KMT2C: variants seen among roughly 807,000 people sequenced by gnomAD.
KMT2C encodes the protein histone-lysine N-methyltransferase 2C.
Under a neutral mutation model 507.9 loss-of-function variants are expected in KMT2C, and 88 were observed. The ratio of observed to expected loss-of-function variants is 0.17; its 90% CI spans 0.15 to 0.21. The LOEUF (loss-of-function observed/expected upper bound fraction) is 0.21. Among genes scored for constraint, KMT2C ranks in the 10% least tolerant of loss-of-function variants. The pLI, the probability that KMT2C is intolerant of heterozygous loss-of-function variation, is 1.00. For missense variants in KMT2C, 4,954 were observed against 5,957.8 expected (o/e 0.83, Z 5.55); for synonymous variants, 2,049 against 2,080.8 (o/e 0.98, Z 0.42).
At chr7:152,294,187 G>C (rs1357754452) in intron 6 of KMT2C, among the ~76,000 whole-genome samples, 1 of 152,088 alleles carries the variant, frequency 6.6e-6, no homozygotes, top group Admixed American at 6.6e-5. Flanking sequence ...TTTTTAAGTA[G>C]ATATATGCCT....
intron 1 of KMT2C, among the ~76,000 whole-genome samples, chr7:152,364,932 CAG>C (rs151049937): frequency 5.0e-4 from 69 of 138,074 alleles, no homozygotes; most frequent in African/African-American, 1.6e-3. Context: ...CTGAAACAGA[CAG>C]ACACACACAC....
Position 152,384,024 on chromosome 7 carries a change from C to T in KMT2C, c.162-25349G>A, listed in dbSNP as rs200809639. Among the ~76,000 whole-genome samples the T allele has an allele frequency of 1.2e-4, 18 of 150,334 alleles. No individual in the cohort carries two copies. In the East Asian group the frequency reaches 2.9e-3, roughly 24 times the overall value. On this transcript the variant is annotated intron_variant, in intron 1 of 58. Coordinates refer to ENST00000262189, the MANE Select transcript of KMT2C (RefSeq NM_170606.3). ...AGAACTAAGACTCTAGAAGGAGATC[C>T]GAGAGGCAGACATGTGTGTCTGTGT... is the stretch of plus-strand genomic sequence containing the variant.
chr7:152,278,472 TCACCAGAAGCAGATGCCAG>T (rs1385624326), intron 6 of KMT2C, among the ~76,000 whole-genome samples: 1 of 152,238 alleles, frequency 6.6e-6, no homozygotes, highest in African/African-American at 2.4e-5. Flanking sequence ...CTTGAAGCCC[TCACCAGAAGCAGATGCCAG>T]CACCACACTT....
chr7:152,225,286 G>A (rs951673136), intron 18 of KMT2C, among the ~76,000 whole-genome samples: 5 of 152,074 alleles, frequency 3.3e-5, no homozygotes, highest in African/African-American at 9.7e-5. Flanking sequence ...CCAATCAAGT[G>A]CCCACATTAT....
chr7:152,157,049 T>C (rs1342406422), intron 44 of KMT2C, among the ~76,000 whole-genome samples: 4 of 151,960 alleles, frequency 2.6e-5, no homozygotes, highest in Non-Finnish European at 5.9e-5. Flanking sequence ...ATGAGGATGA[T>C]AAAATAAGGT....
chr7:152,429,466 T>G (rs2097848302), intron 1 of KMT2C, among the ~76,000 whole-genome samples: 1 of 151,990 alleles, frequency 6.6e-6, no homozygotes, highest in Non-Finnish European at 1.5e-5. Context: ...TCCTTCAAAT[T>G]CTGCAAATAA....
chr7:152,377,802 A>G (rs2097341128), intron 1 of KMT2C, among the ~76,000 whole-genome samples: 1 of 152,090 alleles, frequency 6.6e-6, no homozygotes, highest in Admixed American at 6.6e-5. Context: ...AACCTTCTGG[A>G]AAGGATTCAC....
chr7:152,196,698 G>T (rs2093973229), intron 27 of KMT2C, among the ~76,000 whole-genome samples: 1 of 152,134 alleles, frequency 6.6e-6, no homozygotes, highest in South Asian at 2.1e-4. Flanking sequence ...CAAGGAAAAA[G>T]GATTAAAAAT....
At chr7:152,310,423 G>A (rs939861595) in intron 5 of KMT2C, among the ~76,000 whole-genome samples, 1 of 152,054 alleles carries the variant, frequency 6.6e-6, no homozygotes, top group Non-Finnish European at 1.5e-5. Flanking sequence ...AAATTAGCTG[G>A]GCGTGGTGGT....
At chr7:152,333,920 TC>T (rs2096907796) in intron 2 of KMT2C, among the ~76,000 whole-genome samples, 1 of 152,134 alleles carries the variant, frequency 6.6e-6, no homozygotes, top group Non-Finnish European at 1.5e-5. Flanking sequence ...GTCCTGTCTA[TC>T]CCGAGACAAA....
At chr7:152,231,708 G>A (rs1684651668) in intron 16 of KMT2C, among the ~76,000 whole-genome samples, 1 of 151,938 alleles carries the variant, frequency 6.6e-6, no homozygotes, top group Non-Finnish European at 1.5e-5. Flanking sequence ...TTGAACCCAG[G>A]AGGCAGAGGT....
Position 152,392,673 on chromosome 7 carries a change from C to G in KMT2C, c.162-33998G>C, listed in dbSNP as rs540675717. On this transcript the variant is annotated intron_variant, in intron 1 of 58. Transcript: ENST00000262189. ...TGTGTGAATGCCCTCCCCAGCACAA[C>G]AAGAACGGAGCTGTACAATGAAGTG... is the stretch of plus-strand genomic sequence containing the variant. Among the ~76,000 whole-genome samples, 5 of 152,242 alleles carry G rather than the reference C, an allele frequency of 3.3e-5. No individual in the cohort carries two copies. The South Asian group carries it at 6.2e-4, about 19-fold the overall frequency.
chr7:152,435,468 G>T (rs2097909281), intron 1 of KMT2C, among the ~76,000 whole-genome samples, 158 bp downstream of exon 1: 1 of 145,742 alleles, frequency 6.9e-6, no homozygotes, highest in South Asian at 2.1e-4. Context: ...CGAGGGGCGC[G>T]GGGCCGGGGC....
chr7:152,194,338 G>T, intron 29 of KMT2C, 77 bp from the exon 30 acceptor site: 1 of 1,369,350 alleles, frequency 7.3e-7, no homozygotes, highest in South Asian at 1.3e-5. Context: ...GTATTTAACT[G>T]ACAGAAATAA....
At chr7:152,334,178 G>A (rs540492508) in intron 2 of KMT2C, among the ~76,000 whole-genome samples, 13 of 152,306 alleles carry the variant, frequency 8.5e-5, no homozygotes, top group South Asian at 4.1e-4. Context: ...CAAAGGGGCC[G>A]GGTGCGGTGG....
intron 7 of KMT2C, among the ~76,000 whole-genome samples, chr7:152,267,324 A>C (rs1375204259): frequency 1.3e-5 from 2 of 152,118 alleles, no homozygotes; most frequent in Non-Finnish European, 2.9e-5. Context: ...AAAAACACTC[A>C]ATCTCAACTG....
chr7:152,264,760 C>T (rs878907340), intron 8 of KMT2C, among the ~76,000 whole-genome samples: 5 of 151,550 alleles, frequency 3.3e-5, no homozygotes, highest in East Asian at 3.9e-4. Flanking sequence ...GCTCTTTAGA[C>T]GACCAGAGCA....
chr7:152,163,692 A>G lies in KMT2C; in HGVS notation c.9885T>C (p.Thr3295=). The change falls in exon 43 of 59, where the codon ACT becomes ACC. Residue 3295 remains threonine (T), a synonymous_variant. Transcript: ENST00000262189. ...AGGTGGGTTGGCTCATGGTGGGTGGAGTGGCACCTGGAATTAGGGGTGGCT... is the reference window on the plus strand; with the variant it reads ...AGGTGGGTTGGCTCATGGTGGGTGGGGTGGCACCTGGAATTAGGGGTGGCT... ...QPQPPLIPGA[T]PPTMSQPTFP... is the part of the protein sequence containing the mutation. 6.2e-7 allele frequency: 1 copy of G among 1,613,948 alleles called. No homozygotes were observed. The highest frequency in any genetic ancestry group is 8.5e-7 in the Non-Finnish European group (1 of 1,179,958).
rs573111948 is a variant in KMT2C at position 152,423,673 on chromosome 7, C to T, written c.161+11953G>A. 5.3e-5 allele frequency among the ~76,000 whole-genome samples: 8 copies of T among 152,258 alleles called. No individual in the cohort carries two copies. In the South Asian group the frequency reaches 1.7e-3, roughly 32 times the overall value. On this transcript the variant is annotated intron_variant, in intron 1 of 58. Transcript: ENST00000262189. ...CTACCCTCCAGATTTTGAAGTGAAA[C>T]AGAAATAAACACTCCTGTTCAAGTC... is the stretch of plus-strand genomic sequence containing the variant.
Sources: gnomAD v4.1 joint callset for allele counts (sites outside exome capture counted in the v4.1 genomes callset) on GRCh38, gnomAD v4.1.1 for gene constraint, MANE v1.5 for transcripts, NCBI Gene and HGNC (gene_info 2026-07-23, HGNC 2026-07-21) for gene names.